Variants in FUT8 observed in about 807,000 individuals in gnomAD.
FUT8 encodes the protein fucosyltransferase 8.
Under a neutral mutation model 71.3 loss-of-function variants are expected in FUT8, and 29 were observed. The observed-to-expected ratio is 0.41, with a 90% CI of 0.30 to 0.55. The LOEUF is 0.55. Ranked by LOEUF, FUT8 falls within the 20% of genes least tolerant of loss-of-function variation. FUT8 has a pLI of 0.34. For missense variants in FUT8, 544 were observed against 702.1 expected, an observed-to-expected ratio of 0.77 and a Z score of 2.55; for synonymous variants, 254 against 239.3, an observed-to-expected ratio of 1.06 and a Z score of -0.57.
chr14:65,650,056 G>C (rs1219434464), intron 6 of FUT8, among the ~76,000 whole-genome samples: 1 of 152,084 alleles, frequency 6.6e-6, no homozygotes, highest in African/African-American at 2.4e-5. Flanking sequence ...CAGCACTTTG[G>C]GAGGCCAAGG....
At chr14:65,516,468 G>C (rs929329849) in intron 2 of FUT8, 2 of 152,032 alleles carry the variant, frequency 1.3e-5, no homozygotes, top group South Asian at 2.1e-4. Context: ...ATAGGCAGAC[G>C]GTTTGCAGAG....
At chr14:65,587,169 A>G (rs1265329432) in intron 3 of FUT8, among the ~76,000 whole-genome samples, 1 of 151,546 alleles carries the variant, frequency 6.6e-6, no homozygotes, top group Non-Finnish European at 1.5e-5. Context: ...AGCCTGGGCG[A>G]CAGAGCGAGA....
At chr14:65,622,194 A>G (rs2140243334) in intron 5 of FUT8, among the ~76,000 whole-genome samples, 1 of 152,338 alleles carries the variant, frequency 6.6e-6, no homozygotes, top group African/African-American at 2.4e-5. Context: ...AGGCTAAGTT[A>G]ACAGAACGGT....
intron 5 of FUT8, among the ~76,000 whole-genome samples, chr14:65,623,011 C>T (rs1889706167): frequency 6.6e-6 from 1 of 151,558 alleles, no homozygotes; most frequent in Non-Finnish European, 1.5e-5. Flanking sequence ...CTGCCTCAGC[C>T]TCCCGAGTAG....
At chr14:65,383,235 C>A in the FUT8 span, among the ~76,000 whole-genome samples, 1 of 150,796 alleles carries the variant, frequency 6.6e-6, no homozygotes, top group East Asian at 1.9e-4. Context: ...ACTCAATAAC[C>A]ACCATTGGAT....
intron 7 of FUT8, among the ~76,000 whole-genome samples, chr14:65,716,285 A>G (rs188221990): frequency 1.3e-4 from 20 of 151,536 alleles, no homozygotes; most frequent in Non-Finnish European, 2.8e-4. Context: ...TGCTTTATGT[A>G]TCTGGGTGCT....
chr14:65,357,461 C>G, the FUT8 span, among the ~76,000 whole-genome samples: 1 of 152,188 alleles, frequency 6.6e-6, no homozygotes, highest in Non-Finnish European at 1.5e-5. Flanking sequence ...AATACTCGAA[C>G]AGAGGCTATT....
At chr14:65,463,796 G>C (rs141571203) in intron 2 of FUT8, among the ~76,000 whole-genome samples, 7 of 152,232 alleles carry the variant, frequency 4.6e-5, no homozygotes, top group Middle Eastern at 3.4e-3. Context: ...AGAAAATAAG[G>C]TTCCTCCAAC....
intron 1 of FUT8, among the ~76,000 whole-genome samples, chr14:65,431,975 G>C (rs544479140): frequency 6.6e-6 from 1 of 152,024 alleles, no homozygotes; most frequent in Non-Finnish European, 1.5e-5. Context: ...AACAATTTAT[G>C]TCTGTTGTTT....
At chr14:65,361,366 A>C in the FUT8 span, among the ~76,000 whole-genome samples, 1 of 151,188 alleles carries the variant, frequency 6.6e-6, no homozygotes, top group Non-Finnish European at 1.5e-5. Flanking sequence ...CAAAAAAAAA[A>C]AAAAAAGCTC....
chr14:65,480,438 C>CCAGA (rs2066313316), intron 2 of FUT8, among the ~76,000 whole-genome samples: 1 of 151,562 alleles, frequency 6.6e-6, no homozygotes, highest in Non-Finnish European at 1.5e-5. Context: ...ACCTCAGCCA[C>CCAGA]CAGAGTAGCT....
intron 3 of FUT8, among the ~76,000 whole-genome samples, chr14:65,578,330 T>C (rs1413545987): frequency 6.6e-6 from 1 of 152,214 alleles, no homozygotes; most frequent in African/African-American, 2.4e-5. Flanking sequence ...AGATGACACA[T>C]CTGCTACAAA....
chr14:65,529,802 A>G (rs1883810806), intron 2 of FUT8, among the ~76,000 whole-genome samples: 1 of 152,136 alleles, frequency 6.6e-6, no homozygotes, highest in African/African-American at 2.4e-5. Context: ...AAGGTTTTCT[A>G]GGGCAGTCTA....
intron 1 of FUT8, among the ~76,000 whole-genome samples, chr14:65,451,064 G>A (rs2065816309): frequency 6.6e-6 from 1 of 152,104 alleles, no homozygotes; most frequent in Non-Finnish European, 1.5e-5. Context: ...TGCCGTGTTA[G>A]CCAGGATGGT....
upstream of FUT8, chr14:65,411,089 TC>T (rs2065119099): frequency 6.6e-6 from 1 of 152,238 alleles, no homozygotes; most frequent in Non-Finnish European, 1.5e-5. Flanking sequence ...CCAAAGTGTG[TC>T]ACTTTTATAC....
At chr14:65,434,825 AT>A (rs1304120333) in intron 1 of FUT8, among the ~76,000 whole-genome samples, 2 of 151,616 alleles carry the variant, frequency 1.3e-5, no homozygotes, top group African/African-American at 4.8e-5. Flanking sequence ...TATTTCCTTT[AT>A]TTTTTATACA....
the FUT8 span, among the ~76,000 whole-genome samples, chr14:65,372,501 T>A: frequency 6.6e-6 from 1 of 151,892 alleles, no homozygotes; most frequent in South Asian, 2.1e-4. Context: ...CTGCAACCTC[T>A]GCCTCCCGGG....
the FUT8 span, among the ~76,000 whole-genome samples, chr14:65,402,771 T>C: frequency 1.3e-5 from 2 of 152,110 alleles, no homozygotes; most frequent in African/African-American, 4.8e-5. Flanking sequence ...AGTGCTGGGA[T>C]TTTAGGTGTG....
intron 6 of FUT8, among the ~76,000 whole-genome samples, chr14:65,649,426 A>G (rs1348657730): frequency 6.6e-6 from 1 of 152,226 alleles, no homozygotes; most frequent in Non-Finnish European, 1.5e-5. Flanking sequence ...TCCTGAAGCC[A>G]CAAGTCACAT....
Sources: allele counts gnomAD v4.1 joint callset (sites outside exome capture counted in the v4.1 genomes callset), GRCh38; gene constraint gnomAD v4.1.1; transcripts MANE v1.5; gene names NCBI Gene and HGNC (gene_info 2026-07-23, HGNC 2026-07-21).